BIRC6: variants seen among roughly 807,000 people sequenced by gnomAD.
The protein encoded by BIRC6 is baculoviral IAP repeat containing 6.
A neutral mutation model predicts 503.3 loss-of-function variants in BIRC6; 98 were observed. The observed-to-expected ratio is 0.19, with a 90% CI of 0.17 to 0.23. The LOEUF (loss-of-function observed/expected upper bound fraction) is 0.23. Among genes scored for constraint, BIRC6 ranks in the 10% least tolerant of loss-of-function variants. The pLI is 1.00. For synonymous variants in BIRC6, 2,240 were observed against 2,078.7 expected, an observed-to-expected ratio of 1.08 and a Z score of -2.11; for missense variants, 5,360 against 5,806.0, an observed-to-expected ratio of 0.92 and a Z score of 2.50.
rs1359111330 is a variant in BIRC6 at position 32,468,419 on chromosome 2, A to C, written c.5781-18A>C. 4 of 1,525,396 alleles carry C rather than the reference A, an allele frequency of 2.6e-6. No homozygotes were observed. In the East Asian group the frequency reaches 6.8e-5, roughly 26 times the overall value. The allele number at this position is 1,525,396 out of a possible 1,614,324, so 94.5% of individuals were successfully genotyped here. Reference sequence around the variant, plus strand: ...GGACATTACAAGAATTATTTTGTTCAATCTTTTTTTACTTTAGGTATAACT... The same window carrying C: ...GGACATTACAAGAATTATTTTGTTCCATCTTTTTTTACTTTAGGTATAACT... On this transcript the variant is annotated intron_variant, in intron 28 of 73. Coordinates refer to ENST00000421745, the MANE Select transcript of BIRC6 (RefSeq NM_016252.4).
intron 1 of BIRC6, among the ~76,000 whole-genome samples, chr2:32,370,702 T>C (rs1038888004): frequency 1.5e-4 from 23 of 152,318 alleles, no homozygotes; most frequent in Admixed American, 5.9e-4. Context: ...TAAAAAATTT[T>C]AAAAATTCTT....
chr2:32,617,051 T>G (rs549500476), intron 73 of BIRC6, among the ~76,000 whole-genome samples: 1 of 152,276 alleles, frequency 6.6e-6, no homozygotes, highest in Admixed American at 6.5e-5. Flanking sequence ...GCTGTGATTG[T>G]GCCGCTGCTC....
At chr2:32,416,616 C>T (rs992617148) in intron 10 of BIRC6, among the ~76,000 whole-genome samples, 1 of 152,136 alleles carries the variant, frequency 6.6e-6, no homozygotes, top group Admixed American at 6.5e-5. Context: ...AATAAAAATA[C>T]TTAGCAAACA....
At chr2:32,580,834 A>T (rs1469206859) in intron 66 of BIRC6, among the ~76,000 whole-genome samples, 1 of 152,176 alleles carries the variant, frequency 6.6e-6, no homozygotes, top group South Asian at 2.1e-4. Flanking sequence ...GACTTAATAG[A>T]TAGTTAGTTT....
At chr2:32,546,280 G>A (rs1258084989) in intron 63 of BIRC6, among the ~76,000 whole-genome samples, 1 of 152,228 alleles carries the variant, frequency 6.6e-6, no homozygotes, top group Non-Finnish European at 1.5e-5. Flanking sequence ...TAATTGTATT[G>A]TAGAACATAC....
At chr2:32,425,142 C>G (rs2043345994) in intron 10 of BIRC6, among the ~76,000 whole-genome samples, 1 of 148,560 alleles carries the variant, frequency 6.7e-6, no homozygotes, top group African/African-American at 2.5e-5. Flanking sequence ...TTTAGAAATT[C>G]AGGATTCATA....
intron 60 of BIRC6, 99 bp from the exon 61 acceptor site, chr2:32,531,256 A>G: frequency 1.0e-6 from 1 of 981,894 alleles, no homozygotes; most frequent in Non-Finnish European, 1.5e-6. Context: ...CTCTTTTTTG[A>G]GTAGCAAGAA....
chr2:32,600,064 A>G (rs1448932053), intron 70 of BIRC6, among the ~76,000 whole-genome samples, 164 bp downstream of exon 70: 2 of 152,234 alleles, frequency 1.3e-5, no homozygotes, highest in Non-Finnish European at 2.9e-5. Flanking sequence ...AAGGAACTGA[A>G]AAGAGCAGAA....
intron 66 of BIRC6, among the ~76,000 whole-genome samples, chr2:32,578,043 A>G (rs2060381143): frequency 6.6e-6 from 1 of 152,176 alleles, no homozygotes. Context: ...TATATTTTGC[A>G]TTAAGACTTG....
intron 66 of BIRC6, among the ~76,000 whole-genome samples, chr2:32,580,742 G>A (rs549525790): frequency 3.3e-5 from 5 of 152,198 alleles, no homozygotes; most frequent in Admixed American, 6.5e-5. Context: ...AGCAGATAGA[G>A]CTGTATATGT....
At chr2:32,459,930 T>TTAAA (rs1300215480) in intron 23 of BIRC6, among the ~76,000 whole-genome samples, 13 of 151,462 alleles carry the variant, frequency 8.6e-5, no homozygotes, top group Admixed American at 6.6e-5. Context: ...AGTGCTATAT[T>TTAAA]ATTAATTTTA....
At chr2:32,359,810 C>G (rs2033759948) in intron 1 of BIRC6, among the ~76,000 whole-genome samples, 1 of 152,114 alleles carries the variant, frequency 6.6e-6, no homozygotes, top group Admixed American at 6.6e-5. Flanking sequence ...CTCAAATGAT[C>G]CTCCCACCTC....
intron 3 of BIRC6, among the ~76,000 whole-genome samples, chr2:32,387,331 A>G (rs1249843264): frequency 1.4e-5 from 2 of 146,332 alleles, no homozygotes; most frequent in African/African-American, 5.1e-5. Flanking sequence ...TAGCAATTCA[A>G]GTCATGTTTT....
intron 53 of BIRC6, among the ~76,000 whole-genome samples, chr2:32,512,021 T>C (rs1466783295): frequency 6.6e-6 from 1 of 152,224 alleles, no homozygotes; most frequent in Non-Finnish European, 1.5e-5. Context: ...TGTGGCTTTT[T>C]AATAAGAAGA....
In BIRC6 at chr2:32,425,463, G is replaced by A. The variant is rs368266332; in HGVS notation, c.2873-3683G>A. On this transcript the variant is annotated intron_variant, in intron 10 of 73. Coordinates refer to ENST00000421745, the MANE Select transcript of BIRC6 (RefSeq NM_016252.4). The stretch of plus-strand genomic sequence containing the variant: ...TTTTTTTTTTTTCTCCTGTAAATGG[G>A]CCATACTTTGCTGTTTCTTTGAGTG... Among the ~76,000 whole-genome samples the A allele has an allele frequency of 8.7e-5, 13 of 149,056 alleles. No individual in the cohort carries two copies. In the East Asian group the frequency reaches 9.7e-4, roughly 11 times the overall value.
At chr2:32,492,073 T>A (rs2051795168) in intron 44 of BIRC6, among the ~76,000 whole-genome samples, 1 of 152,144 alleles carries the variant, frequency 6.6e-6, no homozygotes, top group South Asian at 2.1e-4. Flanking sequence ...GTGTAAATAT[T>A]TGTACTTCAT....
chr2:32,401,274 G>T lies in BIRC6; in HGVS notation c.1146G>T (p.Thr382=). ...LATSPAQFPC[T]DGTDRISCFG... Reference sequence around the variant, plus strand: ...CAAGTCCTGCACAGTTTCCTTGTACGGATGGAACTGACAGAATATCTTGCT... The same window carrying T: ...CAAGTCCTGCACAGTTTCCTTGTACTGATGGAACTGACAGAATATCTTGCT... Residue 382 remains threonine, a synonymous_variant, in exon 7 of 74, where the codon ACG becomes ACT. Transcript: ENST00000421745. The T allele has an allele frequency of 1.9e-6, 3 of 1,613,994 alleles. No individual in the cohort carries two copies. The highest frequency in any genetic ancestry group is 2.5e-6 in the Non-Finnish European group (3 of 1,179,878).
chr2:32,612,628 G>T (rs1291972760), intron 73 of BIRC6, among the ~76,000 whole-genome samples: 1 of 152,144 alleles, frequency 6.6e-6, no homozygotes, highest in Admixed American at 6.5e-5. Context: ...AAATATTTGT[G>T]AATGACAAAG....
intron 1 of BIRC6, among the ~76,000 whole-genome samples, chr2:32,375,496 A>G (rs567786023): frequency 6.6e-6 from 1 of 151,966 alleles, no homozygotes; most frequent in Non-Finnish European, 1.5e-5. Flanking sequence ...AACAAACAAA[A>G]AAAACCCCCA....
Sources: gnomAD v4.1 joint callset for allele counts (sites outside exome capture counted in the v4.1 genomes callset) on GRCh38, gnomAD v4.1.1 for gene constraint, MANE v1.5 for transcripts, NCBI Gene and HGNC (gene_info 2026-07-23, HGNC 2026-07-21) for gene names.